Variants in LONRF3 observed in about 807,000 individuals in gnomAD.
The protein encoded by LONRF3 is LON peptidase N-terminal domain and ring finger 3, also known as LON peptidase N-terminal domain and RING finger protein 3.
LONRF3 carries 19 observed loss-of-function variants against 51.7 expected under a neutral mutation model. That is an observed-to-expected ratio of 0.37 (90% confidence interval 0.26 to 0.54). The LOEUF (loss-of-function observed/expected upper bound fraction) is 0.54. Among genes scored for constraint, LONRF3 ranks in the 20% least tolerant of loss-of-function variants. The pLI is 0.86. For synonymous variants in LONRF3, 265 were observed against 257.8 expected, an observed-to-expected ratio of 1.03 and a Z score of -0.27; for missense variants, 521 against 623.9, an observed-to-expected ratio of 0.84 and a Z score of 1.76.
At chrX:119,012,596 G>A (rs1925183579) in intron 8 of LONRF3, among the ~76,000 whole-genome samples, 1 of 111,023 alleles carries the variant, frequency 9.0e-6, no homozygotes, top group African/African-American at 3.3e-5. Flanking sequence ...TAGCAGAAGG[G>A]CAACAGAGAG....
intron 4 of LONRF3, among the ~76,000 whole-genome samples, chrX:118,990,121 G>C (rs994694091): frequency 8.9e-6 from 1 of 112,330 alleles, no homozygotes; most frequent in East Asian, 2.8e-4. Flanking sequence ...TTCCACGAGA[G>C]GTTGGCAGTG....
chrX:119,001,664 G>A (rs1285659001), intron 5 of LONRF3, among the ~76,000 whole-genome samples: 3 of 112,183 alleles, frequency 2.7e-5, no homozygotes, highest in East Asian at 5.6e-4. Flanking sequence ...TATTTCAAAG[G>A]AATAATTATG....
intron 5 of LONRF3, among the ~76,000 whole-genome samples, chrX:118,999,411 TG>T (rs2147290747): frequency 8.9e-6 from 1 of 112,098 alleles, no homozygotes; most frequent in Non-Finnish European, 1.9e-5. Context: ...GGCAGAGCAA[TG>T]GGCTCCTGCA....
chrX:118,980,725 G>A (rs1257427815), intron 2 of LONRF3, among the ~76,000 whole-genome samples: 1 of 111,295 alleles, frequency 9.0e-6, no homozygotes, highest in Non-Finnish European at 1.9e-5. Context: ...TGCAAGTCAG[G>A]GAGCTGCCTA....
At chrX:118,995,611 G>A (rs185441611) in intron 5 of LONRF3, among the ~76,000 whole-genome samples, 2 of 112,256 alleles carry the variant, frequency 1.8e-5, no homozygotes, top group East Asian at 2.8e-4. Flanking sequence ...ATCAAGGGAA[G>A]AAGAGAGAAA....
At position 119,009,110 on chromosome X, in the gene LONRF3, G is replaced by T. The variant is rs1296035895; in HGVS notation, c.1531-16G>T. The T allele has an allele frequency of 1.7e-6, 2 of 1,197,041 alleles. No individual in the cohort carries two copies. The highest frequency in any genetic ancestry group is 2.3e-6 in the Non-Finnish European group (2 of 886,194). On this transcript the variant is annotated splice_polypyrimidine_tract_variant and intron_variant, in intron 6 of 10. Transcript: ENST00000371628. ...TTACCTAATTGCATATTGTCTAATT[G>T]CCTCCCCCCATGTAGTGCTTGGCAT...
At chrX:119,003,308 C>T (rs1257279027) in intron 5 of LONRF3, among the ~76,000 whole-genome samples, 2 of 111,688 alleles carry the variant, frequency 1.8e-5, no homozygotes, top group South Asian at 7.5e-4. Flanking sequence ...ATTAGAGGTG[C>T]CAGCCACTGT....
At chrX:118,997,296 A>G (rs773519153) in intron 5 of LONRF3, among the ~76,000 whole-genome samples, 1 of 112,160 alleles carries the variant, frequency 8.9e-6, no homozygotes, top group Non-Finnish European at 1.9e-5. Flanking sequence ...GGAACAAAAT[A>G]GAGAACCCAG....
At position 119,009,213 on chromosome X, in the gene LONRF3, A is replaced by G. The variant is rs1016525637; in HGVS notation, c.1618A>G (p.Lys540Glu). 5 of 1,208,007 alleles carry G rather than the reference A, an allele frequency of 4.1e-6. No homozygotes were observed. Among genetic ancestry groups the G allele is most frequent in the Non-Finnish European group, 4.5e-6 (4 of 893,993 alleles). ...TCCAGAAGAACTGAAGGAACGAAGG[A>G]AGCTTTATGAAGAGGAAATGGAAGA... Reference protein sequence around the residue: ...FLPEELKERRKLYEEEMEELS... With the variant: ...FLPEELKERRELYEEEMEELS... The change falls in exon 7 of 11, where the codon AAG becomes GAG. Residue 540 changes from lysine (K) to glutamate (E), a missense_variant. Transcript: ENST00000371628.
chrX:118,986,787 G>A lies in LONRF3; in HGVS notation c.1060-2621G>A. On this transcript the variant is annotated intron_variant, in intron 3 of 10. Transcript: ENST00000371628. ...GCGAGGACCCCTGCCCTGGTGTGGT[G>A]TGTTAGGGACACTGGTCCAAGGCTT... 4 of 486,953 alleles carry A rather than the reference G, an allele frequency of 8.2e-6. No individual in the cohort carries two copies. In the South Asian group the frequency reaches 1.4e-4, roughly 17 times the overall value. The allele number at this position is 486,953 out of a possible 1,213,427, so 40.1% of individuals were successfully genotyped here. A position where few individuals can be genotyped will look rare whatever the true frequency, so the allele number is the denominator to read the frequency against.
In LONRF3 at chrX:119,017,790, G is replaced by A; in HGVS notation, c.*100G>A. 1.2e-6 allele frequency: 1 copy of A among 821,275 alleles called. No homozygotes were observed. Among genetic ancestry groups the A allele is most frequent in the South Asian group, 3.4e-5 (1 of 29,755 alleles). The allele number at this position is 821,275 out of a possible 1,213,427, so 67.7% of individuals were successfully genotyped here. A position where few individuals can be genotyped will look rare whatever the true frequency, so the allele number is the denominator to read the frequency against. On this transcript the variant is annotated 3_prime_UTR_variant, in exon 11 of 11. Coordinates refer to ENST00000371628, the MANE Select transcript of LONRF3 (RefSeq NM_001031855.3). ...TTGCAATAATATCTTAACAGAAGGG[G>A]GTGTCAAACAGAGGCATCAGCCTGC...
intron 2 of LONRF3, among the ~76,000 whole-genome samples, chrX:118,979,294 C>T (rs1416829976): frequency 4.8e-5 from 5 of 104,848 alleles, no homozygotes; most frequent in African/African-American, 1.4e-4. Flanking sequence ...TGAGCCACCG[C>T]GCTGGCTTTT....
Position 118,975,207 on chromosome X carries a change from G to A in LONRF3, c.427G>A (p.Ala143Thr). The A allele has an allele frequency of 1.7e-6, 2 of 1,167,454 alleles. No homozygotes were observed. Among genetic ancestry groups the A allele is most frequent in the Non-Finnish European group, 2.3e-6 (2 of 876,131 alleles). Reference protein sequence around the residue: ...SGTVAAEETGAAAAAAATEVW... With the variant: ...SGTVAAEETGTAAAAAATEVW... ...CACCGTGGCGGCGGAAGAGACGGGG[G>A]CCGCCGCGGCTGCGGCGGCCACCGA... is the stretch of plus-strand genomic sequence containing the variant. Residue 143 changes from alanine to threonine, a missense_variant, in exon 1 of 11, where the codon GCC becomes ACC. Coordinates refer to ENST00000371628, the MANE Select transcript of LONRF3 (RefSeq NM_001031855.3).
At chrX:119,007,228 C>T (rs1489424268) in intron 6 of LONRF3, among the ~76,000 whole-genome samples, 2 of 112,076 alleles carry the variant, frequency 1.8e-5, no homozygotes, top group Non-Finnish European at 3.8e-5. Flanking sequence ...TCTTTTGTCC[C>T]CTCTAGGATT....
chrX:118,978,099 C>G (rs1378322710), intron 1 of LONRF3, among the ~76,000 whole-genome samples: 4 of 111,405 alleles, frequency 3.6e-5, no homozygotes, highest in African/African-American at 1.3e-4. Context: ...ACCACGGGGC[C>G]TCTAATGAAC....
intron 10 of LONRF3, among the ~76,000 whole-genome samples, chrX:119,015,660 A>T (rs1925398051): frequency 1.8e-5 from 2 of 112,456 alleles, no homozygotes; most frequent in Non-Finnish European, 3.8e-5. Context: ...CAAAAGATAC[A>T]GATCAGCAAT....
At chrX:118,990,428 C>G (rs776677311) in intron 4 of LONRF3, 42 bp from the exon 5 acceptor site, 1 of 1,048,107 alleles carries the variant, frequency 9.5e-7, no homozygotes, top group African/African-American at 1.9e-5. Context: ...TCTATGAAAC[C>G]GGGGTGGCTC....
intron 3 of LONRF3, 52 bp from the exon 4 acceptor site, chrX:118,989,356 G>C (rs1320847841): frequency 1.7e-6 from 2 of 1,176,479 alleles, no homozygotes; most frequent in African/African-American, 3.6e-5. Context: ...GAATATGAGA[G>C]GACAATATTA....
Position 118,975,394 on chromosome X carries a change from C to T in LONRF3, c.614C>T (p.Ala205Val). 1 of 1,203,373 alleles carries T rather than the reference C, an allele frequency of 8.3e-7. No homozygotes were observed. The highest frequency in any genetic ancestry group is 1.7e-5 in the African/African-American group (1 of 57,607). The change falls in exon 1 of 11, where the codon GCC becomes GTC. Residue 205 changes from alanine (A) to valine (V), a missense_variant. This residue lies in a region of LONRF3 where 376 missense variants were observed against 376.7 expected (regional missense o/e 1.00). Coordinates refer to ENST00000371628, the MANE Select transcript of LONRF3 (RefSeq NM_001031855.3). Reference sequence around the variant, plus strand: ...GTCAAGCTCTCCGCCTTGATGGTGGCCACTGGGCGGGCGCGTGGAGCCCGG... The same window carrying T: ...GTCAAGCTCTCCGCCTTGATGGTGGTCACTGGGCGGGCGCGTGGAGCCCGG... ...CGVKLSALMV[A>V]TGRARGARRA... is the part of the protein sequence containing the mutation.
Sources: gnomAD v4.1 joint callset for allele counts (sites outside exome capture counted in the v4.1 genomes callset) on GRCh38, gnomAD v4.1.1 for gene constraint, gnomAD v4.1.1 regional missense constraint, MANE v1.5 for transcripts, NCBI Gene and HGNC (gene_info 2026-07-23, HGNC 2026-07-21) for gene names.